Variants in RARB observed in about 807,000 individuals in gnomAD.
The protein encoded by RARB is retinoic acid receptor beta.
RARB carries 17 observed loss-of-function variants against 51.9 expected under a neutral mutation model. That is an observed-to-expected ratio of 0.33 (90% CI 0.22 to 0.49). The LOEUF (loss-of-function observed/expected upper bound fraction) is 0.49. Ranked by LOEUF, RARB falls within the 20% of genes least tolerant of loss-of-function variation. The pLI is 0.99. For synonymous variants in RARB, 215 were observed against 195.4 expected, an observed-to-expected ratio of 1.10 and a Z score of -0.84; for missense variants, 369 against 550.8, an observed-to-expected ratio of 0.67 and a Z score of 3.30.
At chr3:25,047,766 T>C (rs1698246564) in intron 2 of RARB, among the ~76,000 whole-genome samples, 2 of 152,224 alleles carry the variant, frequency 1.3e-5, no homozygotes, top group Admixed American at 6.5e-5. Context: ...CACTGTACCA[T>C]ACTGTCTATC....
At chr3:25,453,405 G>A (rs1267424680) in intron 1 of RARB, among the ~76,000 whole-genome samples, 14 of 151,870 alleles carry the variant, frequency 9.2e-5, no homozygotes, top group Admixed American at 2.0e-4. Context: ...GCATCATCAC[G>A]CCTAGCTAAT....
chr3:25,377,836 A>G (rs1200040884), intron 5 of RARB, among the ~76,000 whole-genome samples: 1 of 152,158 alleles, frequency 6.6e-6, no homozygotes, highest in Non-Finnish European at 1.5e-5. Context: ...CATTTTCCAA[A>G]TGGGGAAAAT....
At chr3:25,571,178 G>A (rs545791538) in intron 4 of RARB, among the ~76,000 whole-genome samples, 1 of 152,228 alleles carries the variant, frequency 6.6e-6, no homozygotes. Context: ...ACCTTAAACA[G>A]ACAAGTCTCC....
chr3:24,829,901 C>T (rs1228571806), intron 1 of RARB, among the ~76,000 whole-genome samples: 2 of 152,244 alleles, frequency 1.3e-5, no homozygotes, highest in Non-Finnish European at 2.9e-5. Context: ...GAGGTTCTCG[C>T]TCCATTCCCC....
chr3:24,859,123 C>A (rs1702693160), intron 2 of RARB, among the ~76,000 whole-genome samples: 1 of 151,902 alleles, frequency 6.6e-6, no homozygotes, highest in Non-Finnish European at 1.5e-5. Flanking sequence ...TTGTATTTAG[C>A]CCTACCTGGT....
At chr3:24,956,947 C>T (rs182103660) in intron 2 of RARB, among the ~76,000 whole-genome samples, 33 of 152,310 alleles carry the variant, frequency 2.2e-4, no homozygotes, top group African/African-American at 7.7e-4. Flanking sequence ...ATGGGCCAAT[C>T]CCTCTGAGTT....
At chr3:25,285,901 C>T (rs1224213645) in intron 5 of RARB, among the ~76,000 whole-genome samples, 1 of 152,086 alleles carries the variant, frequency 6.6e-6, no homozygotes, top group Non-Finnish European at 1.5e-5. Flanking sequence ...TATACACATA[C>T]AAATACATCT....
At chr3:25,143,257 A>T (rs1700137735) in intron 4 of RARB, among the ~76,000 whole-genome samples, 1 of 152,210 alleles carries the variant, frequency 6.6e-6, no homozygotes, top group Non-Finnish European at 1.5e-5. Flanking sequence ...TGCAAGAGGC[A>T]GCTACTAAGC....
intron 5 of RARB, among the ~76,000 whole-genome samples, chr3:25,310,664 G>A (rs542578614): frequency 3.3e-4 from 51 of 152,252 alleles, no homozygotes; most frequent in Non-Finnish European, 6.3e-4. Flanking sequence ...CATCTACTGC[G>A]TGACTATGGG....
intron 2 of RARB, among the ~76,000 whole-genome samples, chr3:24,988,064 T>C (rs950679526): frequency 2.0e-5 from 3 of 152,186 alleles, no homozygotes; most frequent in African/African-American, 7.2e-5. Flanking sequence ...GAACACATGG[T>C]TGAAACGCTT....
At chr3:25,194,559 T>A (rs1309763217) in intron 5 of RARB, among the ~76,000 whole-genome samples, 1 of 150,872 alleles carries the variant, frequency 6.6e-6, no homozygotes, top group Non-Finnish European at 1.5e-5. Context: ...GTTGTACACC[T>A]TAAATACATA....
At chr3:24,942,331 A>T (rs9860311) in intron 2 of RARB, among the ~76,000 whole-genome samples, 12,848 of 152,280 alleles carry the variant, frequency 0.084, 1,311 homozygotes, top group African/African-American at 0.24. Flanking sequence ...AGCAATAATT[A>T]TAAAAGTATC....
intron 2 of RARB, among the ~76,000 whole-genome samples, chr3:25,483,310 A>C (rs1243834018): frequency 1.3e-5 from 2 of 152,220 alleles, no homozygotes; most frequent in African/African-American, 2.4e-5. Flanking sequence ...ATGTGTACAT[A>C]TATAGTCTTC....
intron 5 of RARB, among the ~76,000 whole-genome samples, chr3:25,212,217 TG>T (rs1399694298): frequency 6.6e-6 from 1 of 152,190 alleles, no homozygotes; most frequent in East Asian, 1.9e-4. Flanking sequence ...AAAATGAAAA[TG>T]TACCTAAGTA....
chr3:24,912,972 A>ATTGTTTTT (rs71622787), intron 2 of RARB, among the ~76,000 whole-genome samples: 1 of 57,656 alleles, frequency 1.7e-5, no homozygotes, highest in East Asian at 4.9e-4. Context: ...CAAGGTACTG[A>ATTGTTTTT]TTCTTTTTTT....
rs141532737 is a variant in RARB, at chr3:25,367,326, C to T, written c.179-93867C>T. ...CACACTTTGACAGGAGAATTTTCTTCCCATGTTCTTGTTCTTGTCAGGAAC... is the reference window on the plus strand; with the variant it reads ...CACACTTTGACAGGAGAATTTTCTTTCCATGTTCTTGTTCTTGTCAGGAAC... On this transcript the variant is annotated intron_variant, in intron 5 of 11. Transcript: ENST00000383772. Among the ~76,000 whole-genome samples, 582 of 152,258 alleles carry T rather than the reference C, an allele frequency of 3.8e-3. 2 individuals carry two copies. Among genetic ancestry groups the T allele is most frequent in the African/African-American group, 0.013 (549 of 41,546 alleles).
chr3:25,334,009 A>C (rs1226054611), intron 5 of RARB, among the ~76,000 whole-genome samples: 2 of 152,234 alleles, frequency 1.3e-5, no homozygotes, highest in African/African-American at 4.8e-5. Context: ...AATGGCAATC[A>C]TTAAAAAGTC....
chr3:25,111,727 C>G (rs532393258), intron 3 of RARB, among the ~76,000 whole-genome samples: 1 of 151,686 alleles, frequency 6.6e-6, no homozygotes, highest in Non-Finnish European at 1.5e-5. Flanking sequence ...TACAGGCACC[C>G]GCCACCATGC....
At chr3:25,097,343 G>A (rs1245518814) in intron 3 of RARB, among the ~76,000 whole-genome samples, 2 of 152,130 alleles carry the variant, frequency 1.3e-5, no homozygotes, top group Non-Finnish European at 2.9e-5. Context: ...AAGCAAATTT[G>A]CAGGTACTAA....
Sources: gnomAD v4.1 joint callset for allele counts (sites outside exome capture counted in the v4.1 genomes callset) on GRCh38, gnomAD v4.1.1 for gene constraint, MANE v1.5 for transcripts, NCBI Gene and HGNC (gene_info 2026-07-23, HGNC 2026-07-21) for gene names.